ARSG: variants seen among roughly 807,000 people sequenced by gnomAD.
The protein encoded by ARSG is arylsulfatase G.
In ARSG, 37 loss-of-function variants were observed where a neutral mutation model predicts 50.5. The observed-to-expected ratio is 0.73, with a 90% CI of 0.56 to 0.96. The LOEUF (loss-of-function observed/expected upper bound fraction) is 0.96. ARSG is among the 50% of genes least tolerant of loss of function. ARSG has a pLI of 0.00. For missense variants in ARSG, 629 were observed against 675.3 expected (o/e 0.93, Z 0.76); for synonymous variants, 225 against 254.6 (o/e 0.88, Z 1.11).
chr17:68,292,765 G>A (rs1274813858), intron 1 of ARSG, among the ~76,000 whole-genome samples: 2 of 152,164 alleles, frequency 1.3e-5, no homozygotes, highest in Non-Finnish European at 2.9e-5. Flanking sequence ...ATCCTTTGCC[G>A]TTGACAAGTT....
At position 68,420,528 on chromosome 17, in the gene ARSG, AT is replaced by A. The variant is rs1266238482; in HGVS notation, c.*70del. The A allele has an allele frequency of 9.4e-5, 145 of 1,541,516 alleles. No individual in the cohort carries two copies. Among genetic ancestry groups the A allele is most frequent in the Non-Finnish European group, 1.1e-4 (128 of 1,126,640 alleles). On this transcript the variant is annotated 3_prime_UTR_variant, in exon 12 of 12. Transcript: ENST00000621439. ...TTAGGCAAGTTTGCTTCCAAATTTC[AT>A]TTTTACCCTCTTTACAAACACACGC...
intron 1 of ARSG, chr17:68,273,873 TTGTTCTTCAAACTAAG>T: frequency 6.3e-7 from 1 of 1,584,156 alleles, no homozygotes; most frequent in Non-Finnish European, 8.6e-7. Context: ...TTCCCCTTCC[TTGTTCTTCAAACTAAG>T]TGTCTAGACA....
intron 1 of ARSG, among the ~76,000 whole-genome samples, chr17:68,299,368 G>A (rs1207052668): frequency 6.6e-6 from 1 of 152,036 alleles, no homozygotes; most frequent in Admixed American, 6.6e-5. Flanking sequence ...GCCTCCCAAA[G>A]TGCTGGGATT....
At position 68,318,087 on chromosome 17, in the gene ARSG, G is replaced by T. The variant is rs58809336; in HGVS notation, c.218+10376G>T. ...GCACTCCAGACTGGGCGACAAGAGC[G>T]AGACTCTGTCTTGGAAAAAAAAAAA... On this transcript the variant is annotated intron_variant, in intron 2 of 11. Coordinates refer to ENST00000621439, the MANE Select transcript of ARSG (RefSeq NM_001267727.2). 7.4e-3 allele frequency among the ~76,000 whole-genome samples: 955 copies of T among 128,764 alleles called. 8 individuals carry two copies. The highest frequency in any genetic ancestry group is 0.027 in the African/African-American group (896 of 33,438). The allele number at this position is 128,764 out of a possible 152,430, so 84.5% of individuals were successfully genotyped here. A position where few individuals can be genotyped will look rare whatever the true frequency, so the allele number is the denominator to read the frequency against.
intron 9 of ARSG, among the ~76,000 whole-genome samples, chr17:68,389,174 TCTCCTCCTCC>T (rs1319730198): frequency 6.6e-6 from 1 of 152,096 alleles, no homozygotes; most frequent in Non-Finnish European, 1.5e-5. Flanking sequence ...TTCCAAGTCC[TCTCCTCCTCC>T]CTGGATCTGG....
chr17:68,428,591 G>A, the ARSG span: 2 of 449,066 alleles, frequency 4.5e-6, no homozygotes, highest in South Asian at 2.2e-5. Context: ...AGCATAGGCT[G>A]AGGGGGAGAC....
intron 2 of ARSG, among the ~76,000 whole-genome samples, chr17:68,314,248 C>T (rs577350893): frequency 5.9e-5 from 9 of 151,838 alleles, no homozygotes; most frequent in East Asian, 3.9e-4. Context: ...TAATCTGGGC[C>T]GGGCACAGTG....
chr17:68,390,254 C>T (rs1343668246), intron 9 of ARSG, among the ~76,000 whole-genome samples: 31 of 152,122 alleles, frequency 2.0e-4, no homozygotes. Context: ...GGCCTTTCTG[C>T]ATCCTCCTCG....
chr17:68,381,685 C>T lies in ARSG; in HGVS notation c.983-3379C>T, dbSNP rs1001015393. Among the ~76,000 whole-genome samples, 5 of 152,274 alleles carry T rather than the reference C, an allele frequency of 3.3e-5. No homozygotes were observed. Among genetic ancestry groups the T allele is most frequent in the East Asian group, 3.9e-4 (2 of 5,186 alleles). On this transcript the variant is annotated intron_variant, in intron 8 of 11. Transcript: ENST00000621439. The surrounding 1 kb of genome is among the most constrained non-coding windows in gnomAD (Gnocchi z 4.1). ...TTTGAAACGTGCTGTGTTCTCTTCC[C>T]GATCTTGCCCCTTGCCCTCCTTCCC...
At chr17:68,429,988 G>T in the ARSG span, 1 of 1,614,096 alleles carries the variant, frequency 6.2e-7, no homozygotes, top group African/African-American at 1.3e-5. Flanking sequence ...GGGTGTCATT[G>T]TACGTACGTT....
downstream of ARSG, among the ~76,000 whole-genome samples, chr17:68,426,675 A>C (rs1424749401): frequency 1.9e-4 from 29 of 152,044 alleles, no homozygotes. Context: ...TGGGATTGCA[A>C]GTGTGTGCCA....
intron 1 of ARSG, chr17:68,278,282 A>G (rs782557390): frequency 1.2e-6 from 2 of 1,613,954 alleles, no homozygotes; most frequent in Admixed American, 1.7e-5. Flanking sequence ...CAGTATACAC[A>G]TTGGCTTTGG....
chr17:68,313,837 C>T (rs2076965181), intron 2 of ARSG, among the ~76,000 whole-genome samples: 2 of 152,070 alleles, frequency 1.3e-5, no homozygotes, highest in African/African-American at 2.4e-5. Context: ...TGCCACTACG[C>T]ACGGCTGATT....
intron 2 of ARSG, among the ~76,000 whole-genome samples, chr17:68,343,290 G>A (rs755289667): frequency 5.9e-5 from 9 of 152,130 alleles, no homozygotes; most frequent in Non-Finnish European, 7.4e-5. Flanking sequence ...CTGAGTAGCC[G>A]GGACTACAGG....
chr17:68,355,942 G>C (rs1367116341), intron 5 of ARSG, among the ~76,000 whole-genome samples: 1 of 151,616 alleles, frequency 6.6e-6, no homozygotes, highest in East Asian at 2.0e-4. Context: ...AGTGCAGTGG[G>C]ATGATCTCAG....
chr17:68,415,551 T>C (rs551646423), intron 11 of ARSG, among the ~76,000 whole-genome samples: 13 of 152,336 alleles, frequency 8.5e-5, no homozygotes, highest in East Asian at 1.9e-4. Flanking sequence ...TTACAAGGTA[T>C]AGTTTAAATC....
exon 1 of ARSG, chr17:68,259,204 C>A (rs370415013): frequency 5.0e-4 from 76 of 152,384 alleles, no homozygotes; most frequent in Admixed American, 1.8e-3. Flanking sequence ...GCCGGCGGGC[C>A]CAGCAGCTGC....
intron 11 of ARSG, among the ~76,000 whole-genome samples, chr17:68,414,673 G>A (rs1416868895): frequency 6.6e-6 from 1 of 152,034 alleles, no homozygotes; most frequent in East Asian, 1.9e-4. Flanking sequence ...TGTTGTTGTT[G>A]TTGTTGGTAA....
Position 68,273,806 on chromosome 17 carries a change from T to C in ARSG, c.-552+14380T>C, listed in dbSNP as rs2075421248. On this transcript the variant is annotated intron_variant, in intron 1 of 11. Coordinates refer to the ARSG transcript ENST00000448504. ...TCAAAACTACTGATCTGAGACACTG[T>C]TAATGTTAAAGAAAAAAAGAAAGAG... The C allele has an allele frequency of 4.9e-6, 6 of 1,219,890 alleles. 1 individual carries two copies. In the South Asian group the frequency reaches 8.7e-5, roughly 18 times the overall value. 75.6% of individuals were successfully genotyped at this position (1,219,890 alleles called of 1,614,324 possible). A position where few individuals can be genotyped will look rare whatever the true frequency, so the allele number is the denominator to read the frequency against.
Sources: allele counts gnomAD v4.1 joint callset (sites outside exome capture counted in the v4.1 genomes callset), GRCh38; gene constraint gnomAD v4.1.1; non-coding constraint Gnocchi (gnomAD v3.1); transcripts MANE v1.5; gene names NCBI Gene and HGNC (gene_info 2026-07-23, HGNC 2026-07-21).